ANKRD28: variants seen among roughly 807,000 people sequenced by gnomAD.
ANKRD28 encodes the protein serine/threonine-protein phosphatase 6 regulatory ankyrin repeat subunit A.
ANKRD28 carries 44 observed loss-of-function variants against 126.5 expected under a neutral mutation model. The ratio of observed to expected loss-of-function variants is 0.35; its 90% CI spans 0.27 to 0.45. The LOEUF is 0.45. Ranked by LOEUF, ANKRD28 falls within the 20% of genes least tolerant of loss-of-function variation. The pLI is 1.00. For synonymous variants in ANKRD28, 442 were observed against 468.5 expected (o/e 0.94, Z 0.73); for missense variants, 1,110 against 1,316.6 (o/e 0.84, Z 2.43).
At chr3:15,826,253 T>C (rs531230374) in intron 1 of ANKRD28, among the ~76,000 whole-genome samples, 1 of 152,314 alleles carries the variant, frequency 6.6e-6, no homozygotes, top group African/African-American at 2.4e-5. Flanking sequence ...TTTTTATTTG[T>C]ATAGATTTAT....
intron 6 of ANKRD28, chr3:15,731,848 CAAAAAAA>C (rs397934004): frequency 4.6e-3 from 21 of 4,518 alleles, no homozygotes; most frequent in Non-Finnish European, 9.3e-3. Context: ...GAAACTGTCT[CAAAAAAA>C]AAAAAAAAAA....
chr3:15,674,169 C>T (rs1223019505), intron 27 of ANKRD28, among the ~76,000 whole-genome samples: 3 of 15,304 alleles, frequency 2.0e-4, no homozygotes, highest in African/African-American at 3.7e-4. Flanking sequence ...GAGACCCTGC[C>T]TCTTCAAAAA....
Position 15,833,112 on chromosome 3 carries a change from G to C in ANKRD28, c.27+26265C>G, listed in dbSNP as rs2061240535. 6.6e-6 allele frequency among the ~76,000 whole-genome samples: 1 copy of C among 152,154 alleles called. No individual in the cohort carries two copies. The highest frequency in any genetic ancestry group is 2.4e-5 in the African/African-American group (1 of 41,430). Reference sequence around the variant, plus strand: ...GATGGTTAAAACTGAGTGTCAACTTGATTGGATTGAAGGATGCAAAGTATT... The same window carrying C: ...GATGGTTAAAACTGAGTGTCAACTTCATTGGATTGAAGGATGCAAAGTATT... On this transcript the variant is annotated intron_variant, in intron 1 of 27. Coordinates refer to the ANKRD28 transcript ENST00000399451. This position sits in a 1 kb window ranked among gnomAD's most constrained non-coding sequence, Gnocchi z 4.4.
Position 15,828,744 on chromosome 3 carries a change from G to T in ANKRD28, c.27+30633C>A, listed in dbSNP as rs1243839888. 6.6e-5 allele frequency among the ~76,000 whole-genome samples: 10 copies of T among 152,118 alleles called. No homozygotes were observed. In the East Asian group the frequency reaches 1.9e-3, roughly 29 times the overall value. On this transcript the variant is annotated intron_variant, in intron 1 of 27. Coordinates refer to the ANKRD28 transcript ENST00000399451. ...TTTCCTCTGTATCCTCCACAGGTTT[G>T]CACCACGCTGCACTTGTTCACTGAC...
rs1383870837 is a variant in ANKRD28 at position 15,667,655 on chromosome 3, C to T, written c.*2615G>A. The stretch of plus-strand genomic sequence containing the variant: ...GGCGTAGTTCAAATACCATTTGAGA[C>T]AGTACTTTGGGGTTTCCCTTCATTG... On this transcript the variant is annotated 3_prime_UTR_variant, in exon 28 of 28. Coordinates refer to ENST00000683139, the MANE Select transcript of ANKRD28 (RefSeq NM_001349278.2). 6.6e-6 allele frequency: 1 copy of T among 152,160 alleles called. No individual in the cohort carries two copies. Among genetic ancestry groups the T allele is most frequent in the African/African-American group, 2.4e-5 (1 of 41,430 alleles). 9.4% of individuals were successfully genotyped at this position (152,160 alleles called of 1,614,324 possible). A position where few individuals can be genotyped will look rare whatever the true frequency, so the allele number is the denominator to read the frequency against.
intron 2 of ANKRD28, among the ~76,000 whole-genome samples, chr3:15,777,849 TACACACACACACACAC>T (rs569761948): frequency 0.095 from 10,064 of 106,170 alleles, 543 homozygotes; most frequent in East Asian, 0.33. Flanking sequence ...AAAACCAAAC[TACACACACACACACAC>T]ACACACACAC....
chr3:15,715,071 C>T (rs958395539), intron 8 of ANKRD28, among the ~76,000 whole-genome samples: 1 of 152,128 alleles, frequency 6.6e-6, no homozygotes, highest in Non-Finnish European at 1.5e-5. Flanking sequence ...ATTAAAACTA[C>T]ATATATTTGT....
intron 1 of ANKRD28, among the ~76,000 whole-genome samples, chr3:15,831,808 C>T (rs2061198136): frequency 6.6e-6 from 1 of 152,154 alleles, no homozygotes. Flanking sequence ...CTGGGGAACT[C>T]AGTCAGATTA....
Position 15,754,519 on chromosome 3 carries a change from A to T in ANKRD28, c.281-2699T>A, listed in dbSNP as rs574278815. 3.3e-5 allele frequency among the ~76,000 whole-genome samples: 5 copies of T among 152,354 alleles called. No homozygotes were observed. In the South Asian group the frequency reaches 1.0e-3, roughly 32 times the overall value. On this transcript the variant is annotated intron_variant, in intron 3 of 27. Transcript: ENST00000683139. ...AAAAAAAATCATGCTGAGGTTGCTA[A>T]GATCTACAGTAAGAACAAATCTTCT...
intron 17 of ANKRD28, 22 bp from the exon 18 acceptor site, chr3:15,690,242 A>C (rs2068618773): frequency 6.6e-7 from 1 of 1,526,182 alleles, no homozygotes; most frequent in African/African-American, 1.4e-5. Flanking sequence ...TAAAAATGTA[A>C]ATTTAAAACA....
In ANKRD28 at chr3:15,812,667, C is replaced by A. The variant is rs2060740844; in HGVS notation, c.28-17361G>T. ...TTAGGATAGGGGCATTGTTAAAATT[C>A]ATCTAAAGCCTTTATTAAGCCACAG... On this transcript the variant is annotated intron_variant, in intron 1 of 27. Transcript: ENST00000399451. The surrounding 1 kb of genome is among the most constrained non-coding windows in gnomAD (Gnocchi z 4.1). Among the ~76,000 whole-genome samples the A allele has an allele frequency of 6.6e-6, 1 of 152,168 alleles. No individual in the cohort carries two copies. The highest frequency in any genetic ancestry group is 2.1e-4 in the South Asian group (1 of 4,830).
intron 8 of ANKRD28, among the ~76,000 whole-genome samples, chr3:15,715,698 T>C (rs576044215): frequency 2.9e-4 from 44 of 152,318 alleles, no homozygotes; most frequent in African/African-American, 1.1e-3. Context: ...GCCTAACTTC[T>C]TTGTGCCTTC....
intron 1 of ANKRD28, among the ~76,000 whole-genome samples, chr3:15,807,844 T>C (rs1404773026): frequency 6.6e-6 from 1 of 152,226 alleles, no homozygotes; most frequent in Non-Finnish European, 1.5e-5. Context: ...AACAGGAAGA[T>C]GAAATGTTTC....
chr3:15,673,721 T>C (rs917431467), intron 27 of ANKRD28, among the ~76,000 whole-genome samples: 5 of 152,038 alleles, frequency 3.3e-5, no homozygotes, highest in South Asian at 2.1e-4. Context: ...CATGGGATGT[T>C]TGGGGACAGA....
At chr3:15,701,963 C>T (rs1353253238) in intron 14 of ANKRD28, among the ~76,000 whole-genome samples, 1 of 150,418 alleles carries the variant, frequency 6.6e-6, no homozygotes, top group Non-Finnish European at 1.5e-5. Flanking sequence ...TAATCAAGTT[C>T]TCTAGATGTT....
chr3:15,789,802 T>C (rs2059944079), intron 2 of ANKRD28, among the ~76,000 whole-genome samples: 1 of 151,972 alleles, frequency 6.6e-6, no homozygotes, highest in Non-Finnish European at 1.5e-5. Context: ...TTTTTAAAAT[T>C]AAAGTTTGTT....
At chr3:15,691,843 G>C (rs1394612474) in intron 17 of ANKRD28, among the ~76,000 whole-genome samples, 1 of 152,140 alleles carries the variant, frequency 6.6e-6, no homozygotes, top group Non-Finnish European at 1.5e-5. Flanking sequence ...AAAAAGAAGA[G>C]TTTAGCCAGT....
rs142158941 is a variant in ANKRD28 at position 15,694,803 on chromosome 3, G to A, written c.1697C>T (p.Thr566Ile). ...ATCACTCAGCATGTCTGTTCCTGAGGTTTCCATTAACTGAAAAAGAAGAGG... is the reference window on the plus strand; with the variant it reads ...ATCACTCAGCATGTCTGTTCCTGAGATTTCCATTAACTGAAAAAGAAGAGG... ...SETPLDVLMETSGTDMLSDSD... is the reference protein window; with the variant it reads ...SETPLDVLMEISGTDMLSDSD... Residue 566 changes from threonine to isoleucine, a missense_variant, in exon 17 of 28, where the codon ACC (threonine) becomes ATC (isoleucine). By Grantham distance (89) the Thr-to-Ile change is moderately conservative. Transcript: ENST00000683139. 2 of 1,613,346 alleles carry A rather than the reference G, an allele frequency of 1.2e-6. No individual in the cohort carries two copies. The highest frequency in any genetic ancestry group is 2.2e-5 in the East Asian group (1 of 44,856).
chr3:15,789,443 A>AG, intron 2 of ANKRD28, among the ~76,000 whole-genome samples: 1 of 145,422 alleles, frequency 6.9e-6, no homozygotes, highest in African/African-American at 2.8e-5. Flanking sequence ...TTTTTAAAAA[A>AG]AAAAGAAAAG....
Sources: gnomAD v4.1 joint callset for allele counts (sites outside exome capture counted in the v4.1 genomes callset) on GRCh38, gnomAD v4.1.1 for gene constraint, Gnocchi (gnomAD v3.1) non-coding constraint, MANE v1.5 for transcripts, NCBI Gene and HGNC (gene_info 2026-07-23, HGNC 2026-07-21) for gene names.